The following RIMS1 variants were observed in gnomAD, a reference collection of about 807,000 sequenced individuals.
RIMS1 encodes regulating synaptic membrane exocytosis 1, also known as regulating synaptic membrane exocytosis protein 1.
RIMS1 carries 83 observed loss-of-function variants against 214.1 expected under a neutral mutation model. That is an observed-to-expected ratio of 0.39 (90% CI 0.32 to 0.47). RIMS1 has a LOEUF of 0.47. RIMS1 is among the 20% of genes least tolerant of loss of function. RIMS1 has a pLI of 0.99. For synonymous variants in RIMS1, 793 were observed against 786.8 expected (o/e 1.01, Z -0.13); for missense variants, 2,050 against 2,161.8 (o/e 0.95, Z 1.03).
intron 4 of RIMS1, among the ~76,000 whole-genome samples, chr6:72,127,680 G>A (rs931020366): frequency 6.6e-6 from 1 of 152,162 alleles, no homozygotes; most frequent in South Asian, 2.1e-4. Context: ...CTGAGGCCCT[G>A]TTCCTCTGGT....
rs573074179 is a variant in RIMS1 at position 71,969,595 on chromosome 6, G to A, written c.245+532G>A. Among the ~76,000 whole-genome samples the A allele has an allele frequency of 2.6e-5, 4 of 152,240 alleles. No individual in the cohort carries two copies. The East Asian group carries it at 5.8e-4, about 22-fold the overall frequency. ...AGGCTGAGGCGGGTGGATCACCTGA[G>A]GTATGGAGTTTGGGACCAGCCTGGC... is the stretch of plus-strand genomic sequence containing the variant. On this transcript the variant is annotated intron_variant, in intron 2 of 33. Transcript: ENST00000521978.
chr6:72,389,178 C>T (rs573881336), intron 29 of RIMS1, among the ~76,000 whole-genome samples: 43 of 152,214 alleles, frequency 2.8e-4, no homozygotes, highest in African/African-American at 9.6e-4. Flanking sequence ...GAAGGAAAAA[C>T]GGAGAATGTG....
chr6:72,340,184 A>C (rs890027745), intron 29 of RIMS1, among the ~76,000 whole-genome samples: 1 of 152,078 alleles, frequency 6.6e-6, no homozygotes, highest in Non-Finnish European at 1.5e-5. Context: ...TCTGGATATT[A>C]GCCCTTTGTC....
At chr6:71,887,631 T>A (rs973979078) in intron 1 of RIMS1, among the ~76,000 whole-genome samples, 2 of 152,190 alleles carry the variant, frequency 1.3e-5, no homozygotes, top group African/African-American at 4.8e-5. Flanking sequence ...GTTGTTTAGC[T>A]GGTCGGGGTT....
At chr6:71,976,311 T>G (rs1183663356) in intron 2 of RIMS1, among the ~76,000 whole-genome samples, 1 of 152,172 alleles carries the variant, frequency 6.6e-6, no homozygotes, top group African/African-American at 2.4e-5. Context: ...AATAATGATA[T>G]TGATGAACTT....
At chr6:72,173,327 C>G (rs1163371546) in intron 4 of RIMS1, among the ~76,000 whole-genome samples, 2 of 151,716 alleles carry the variant, frequency 1.3e-5, no homozygotes, top group Non-Finnish European at 2.9e-5. Flanking sequence ...GTTTCTTTTT[C>G]CATTCATTGT....
At chr6:72,126,502 A>G (rs1430618139) in intron 4 of RIMS1, among the ~76,000 whole-genome samples, 4 of 152,140 alleles carry the variant, frequency 2.6e-5, no homozygotes, top group Non-Finnish European at 5.9e-5. Context: ...AAATAGGGGA[A>G]GAGCTTCACA....
At chr6:72,109,319 G>A (rs62408072) in intron 4 of RIMS1, among the ~76,000 whole-genome samples, 59,942 of 149,872 alleles carry the variant, frequency 0.4, 12,364 homozygotes, top group Admixed American at 0.45. Flanking sequence ...TCCCACCAAC[G>A]GTGTAAAAGT....
chr6:72,267,522 T>C (rs1261366105), intron 22 of RIMS1, among the ~76,000 whole-genome samples: 2 of 152,126 alleles, frequency 1.3e-5, no homozygotes, highest in African/African-American at 4.8e-5. Flanking sequence ...TTTTCACATG[T>C]CATTATTATA....
chr6:72,146,019 A>G (rs1473512027), intron 4 of RIMS1, among the ~76,000 whole-genome samples: 1 of 152,234 alleles, frequency 6.6e-6, no homozygotes, highest in African/African-American at 2.4e-5. Flanking sequence ...GTTCAAAATA[A>G]AAATTTTCTT....
chr6:72,164,796 AAAC>A (rs1454777102), intron 4 of RIMS1, among the ~76,000 whole-genome samples: 2 of 152,328 alleles, frequency 1.3e-5, no homozygotes, highest in East Asian at 3.9e-4. Flanking sequence ...CCTGGTTTGC[AAAC>A]AACAACCTTC....
chr6:72,183,935 G>A (rs1043262615), intron 6 of RIMS1, among the ~76,000 whole-genome samples: 5 of 152,200 alleles, frequency 3.3e-5, no homozygotes, highest in African/African-American at 4.8e-5. Context: ...GCCATTTGCA[G>A]TGGGAAGAAA....
chr6:72,321,781 T>A (rs2154315795), intron 28 of RIMS1, among the ~76,000 whole-genome samples: 1 of 152,226 alleles, frequency 6.6e-6, no homozygotes, highest in East Asian at 1.9e-4. Flanking sequence ...ATCTAAGATT[T>A]TTTTGTTCCC....
intron 4 of RIMS1, among the ~76,000 whole-genome samples, chr6:72,137,419 T>A (rs539879679): frequency 3.3e-5 from 5 of 152,110 alleles, no homozygotes; most frequent in Non-Finnish European, 5.9e-5. Context: ...GTATTATTAA[T>A]TTAATTATTT....
At chr6:72,300,723 C>A (rs903197673) in intron 26 of RIMS1, among the ~76,000 whole-genome samples, 1 of 151,658 alleles carries the variant, frequency 6.6e-6, no homozygotes, top group Non-Finnish European at 1.5e-5. Flanking sequence ...ATAACAAATT[C>A]TTTTATAAGA....
chr6:71,898,560 G>A lies in RIMS1; in HGVS notation c.164+11373G>A, dbSNP rs184619681. 2.7e-4 allele frequency among the ~76,000 whole-genome samples: 41 copies of A among 152,212 alleles called. No homozygotes were observed. In the East Asian group the frequency reaches 7.3e-3, roughly 27 times the overall value. On this transcript the variant is annotated intron_variant, in intron 1 of 33. Coordinates refer to ENST00000521978, the MANE Select transcript of RIMS1 (RefSeq NM_014989.7). ...ATTAGGCTGAGTTGAGGTGTGAGTG[G>A]GAACTCAGTGACTATGTCATCCAAC...
chr6:72,271,615 A>G (rs565903086), intron 22 of RIMS1, among the ~76,000 whole-genome samples: 1 of 152,214 alleles, frequency 6.6e-6, no homozygotes, highest in East Asian at 1.9e-4. Context: ...TAATACACAT[A>G]TACATTTGTT....
chr6:72,390,454 G>A, intron 29 of RIMS1, 144 bp from the exon 30 acceptor site: 3 of 942,078 alleles, frequency 3.2e-6, no homozygotes, highest in Non-Finnish European at 3.1e-6. Context: ...CCTGAATCAA[G>A]CAAAGTACTC....
chr6:72,291,249 G>C (rs1011797038), intron 25 of RIMS1, among the ~76,000 whole-genome samples: 1 of 152,158 alleles, frequency 6.6e-6, no homozygotes, highest in African/African-American at 2.4e-5. Flanking sequence ...TCAGTAAAGT[G>C]TTAAGAGTGT....
Sources: gnomAD v4.1 joint callset for allele counts (sites outside exome capture counted in the v4.1 genomes callset) on GRCh38, gnomAD v4.1.1 for gene constraint, MANE v1.5 for transcripts, NCBI Gene and HGNC (gene_info 2026-07-23, HGNC 2026-07-21) for gene names.